Variants in DLG2 observed in about 807,000 individuals in gnomAD.
The protein encoded by DLG2 is discs large MAGUK scaffold protein 2.
Under a neutral mutation model 132.5 loss-of-function variants are expected in DLG2, and 45 were observed. That is an observed-to-expected ratio of 0.34 (90% CI 0.27 to 0.44). DLG2 has a LOEUF of 0.44. Ranked by LOEUF, DLG2 falls within the 20% of genes least tolerant of loss-of-function variation. The probability of loss-of-function intolerance (pLI) is 1.00; values close to 1 mark genes in which losing one functional copy is unlikely to be tolerated. For synonymous variants in DLG2, 424 were observed against 419.6 expected, an observed-to-expected ratio of 1.01 and a Z score of -0.13; for missense variants, 1,045 against 1,196.9, an observed-to-expected ratio of 0.87 and a Z score of 1.87.
In DLG2 at chr11:84,260,319, C is replaced by T. The variant is rs536061541; in HGVS notation, c.520-9028G>A. On this transcript the variant is annotated intron_variant, in intron 7 of 27. Transcript: ENST00000376104. ...TTATAAGTTTTTTCTAGAATCAATC[C>T]TATTTGGATGAAGAAATGGGGATTG... 3.9e-4 allele frequency among the ~76,000 whole-genome samples: 59 copies of T among 152,220 alleles called. No homozygotes were observed. In the South Asian group the frequency reaches 0.012, roughly 31 times the overall value.
intron 6 of DLG2, among the ~76,000 whole-genome samples, chr11:84,699,991 A>G (rs539096239): frequency 1.3e-5 from 2 of 151,722 alleles, no homozygotes; most frequent in East Asian, 3.9e-4. Context: ...CATCTGTATA[A>G]TGGGCTAATA....
intron 18 of DLG2, among the ~76,000 whole-genome samples, chr11:83,735,124 T>C (rs976034291): frequency 3.9e-5 from 6 of 152,120 alleles, no homozygotes; most frequent in Non-Finnish European, 7.3e-5. Context: ...ATATTAATAT[T>C]GGCCGATTAG....
At chr11:85,090,850 A>G (rs1029869361) in intron 6 of DLG2, among the ~76,000 whole-genome samples, 67 of 152,214 alleles carry the variant, frequency 4.4e-4, no homozygotes, top group Non-Finnish European at 1.6e-4. Flanking sequence ...AAAAAGGCTT[A>G]TTTTGCTCAC....
chr11:83,777,412 G>C (rs113700578), intron 18 of DLG2, among the ~76,000 whole-genome samples: 3 of 152,300 alleles, frequency 2.0e-5, no homozygotes, highest in African/African-American at 7.2e-5. Flanking sequence ...CCCTAAAGCT[G>C]CCACTACTTG....
At chr11:85,544,685 T>C (rs1255580165) in intron 3 of DLG2, among the ~76,000 whole-genome samples, 2 of 152,232 alleles carry the variant, frequency 1.3e-5, no homozygotes, top group Admixed American at 6.5e-5. Flanking sequence ...TGGTTTGTAG[T>C]TCTCCTTGAA....
At chr11:85,267,769 C>A (rs192509515) in intron 4 of DLG2, among the ~76,000 whole-genome samples, 1 of 152,070 alleles carries the variant, frequency 6.6e-6, no homozygotes, top group Non-Finnish European at 1.5e-5. Flanking sequence ...TTAAGGAAAT[C>A]ATATTTAAAA....
intron 6 of DLG2, among the ~76,000 whole-genome samples, chr11:84,643,982 G>A (rs1594726446): frequency 6.6e-6 from 1 of 152,326 alleles, no homozygotes; most frequent in South Asian, 2.1e-4. Context: ...GATGAGTAAA[G>A]AAGTTCAAAC....
At chr11:85,020,043 G>A (rs1459995029) in intron 6 of DLG2, among the ~76,000 whole-genome samples, 13 of 152,266 alleles carry the variant, frequency 8.5e-5, no homozygotes, top group Admixed American at 3.3e-4. Flanking sequence ...GAATCGCCAC[G>A]CTGTCTTCCA....
intron 18 of DLG2, among the ~76,000 whole-genome samples, chr11:83,715,759 G>A (rs537549640): frequency 3.1e-4 from 47 of 152,148 alleles, no homozygotes; most frequent in Non-Finnish European, 5.7e-4. Flanking sequence ...CTAAGCTCCT[G>A]CCTATTGAAC....
intron 5 of DLG2, among the ~76,000 whole-genome samples, chr11:85,149,734 G>A (rs992916235): frequency 3.9e-5 from 6 of 152,010 alleles, no homozygotes; most frequent in Non-Finnish European, 7.4e-5. Flanking sequence ...ATTAATATTG[G>A]ACTGATTAGT....
At chr11:84,278,123 A>G (rs1003804705) in intron 7 of DLG2, among the ~76,000 whole-genome samples, 2 of 147,558 alleles carry the variant, frequency 1.4e-5, no homozygotes, top group African/African-American at 2.5e-5. Flanking sequence ...CCTGGCTTCA[A>G]GCAATCCTCC....
intron 19 of DLG2, among the ~76,000 whole-genome samples, chr11:83,612,683 T>G (rs967771282): frequency 6.6e-6 from 1 of 152,090 alleles, no homozygotes; most frequent in African/African-American, 2.4e-5. Context: ...GGTGAAAGCC[T>G]CTAGGAAGGC....
At chr11:84,871,579 G>A (rs1407043726) in intron 6 of DLG2, among the ~76,000 whole-genome samples, 21 of 152,048 alleles carry the variant, frequency 1.4e-4, no homozygotes, top group Admixed American at 1.3e-3. Context: ...GACATTAAAA[G>A]CATATGATTT....
chr11:84,664,440 T>A (rs1460039642), intron 6 of DLG2, among the ~76,000 whole-genome samples: 1 of 152,202 alleles, frequency 6.6e-6, no homozygotes, highest in Non-Finnish European at 1.5e-5. Context: ...ACAGAAGACT[T>A]TGACAAATGT....
intron 8 of DLG2, among the ~76,000 whole-genome samples, chr11:84,188,328 G>C (rs1435799440): frequency 6.6e-6 from 1 of 152,074 alleles, no homozygotes; most frequent in African/African-American, 2.4e-5. Flanking sequence ...CTCAATTACA[G>C]TCACATTTTT....
At chr11:85,025,119 C>T (rs948059238) in intron 6 of DLG2, among the ~76,000 whole-genome samples, 3 of 152,166 alleles carry the variant, frequency 2.0e-5, no homozygotes, top group Admixed American at 6.5e-5. Flanking sequence ...TTAAATTAAA[C>T]GTATTCTATA....
At chr11:84,316,051 T>C (rs1304236586) in intron 7 of DLG2, among the ~76,000 whole-genome samples, 1 of 152,094 alleles carries the variant, frequency 6.6e-6, no homozygotes, top group Admixed American at 6.6e-5. Flanking sequence ...TTTCTCTCCT[T>C]TAAATGAAGA....
At chr11:84,840,489 G>A (rs1457652745) in intron 6 of DLG2, among the ~76,000 whole-genome samples, 1 of 152,098 alleles carries the variant, frequency 6.6e-6, no homozygotes, top group Non-Finnish European at 1.5e-5. Flanking sequence ...TCCCATTACT[G>A]GGTATATACC....
chr11:84,538,047 G>A (rs1481083548), intron 6 of DLG2, among the ~76,000 whole-genome samples: 2 of 152,156 alleles, frequency 1.3e-5, no homozygotes, highest in African/African-American at 2.4e-5. Context: ...GAACTGAAAA[G>A]AACAACCCTT....
Sources: allele counts gnomAD v4.1 joint callset (sites outside exome capture counted in the v4.1 genomes callset), GRCh38; gene constraint gnomAD v4.1.1; transcripts MANE v1.5; gene names NCBI Gene and HGNC (gene_info 2026-07-23, HGNC 2026-07-21).